MAP3K1: variants seen among roughly 807,000 people sequenced by gnomAD.
MAP3K1 encodes mitogen-activated protein kinase kinase kinase 1.
MAP3K1 carries 36 observed loss-of-function variants against 144.2 expected under a neutral mutation model. The ratio of observed to expected loss-of-function variants is 0.25; its 90% CI spans 0.19 to 0.33. MAP3K1 has a LOEUF of 0.33. MAP3K1 is among the 10% of genes least tolerant of loss of function. The probability of loss-of-function intolerance (pLI) is 1.00; values close to 1 mark genes in which losing one functional copy is unlikely to be tolerated. For synonymous variants in MAP3K1, 718 were observed against 688.7 expected (o/e 1.04, Z -0.67); for missense variants, 1,650 against 1,881.9 (o/e 0.88, Z 2.28).
Position 56,833,272 on chromosome 5 carries a change from G to A in MAP3K1, c.482+17217G>A, listed in dbSNP as rs181131751. 2.3e-3 allele frequency among the ~76,000 whole-genome samples: 356 copies of A among 152,262 alleles called. 2 individuals carry two copies. Among genetic ancestry groups the A allele is most frequent in the African/African-American group, 8.1e-3 (338 of 41,542 alleles). On this transcript the variant is annotated intron_variant, in intron 1 of 19. Transcript: ENST00000399503. ...TTTTACAAGGCCAGGGAAGAGACGCGGCTTCAGGGAAAAATATGGTTGAAC... is the reference window on the plus strand; with the variant it reads ...TTTTACAAGGCCAGGGAAGAGACGCAGCTTCAGGGAAAAATATGGTTGAAC...
At chr5:56,820,019 T>C (rs1746106098) in intron 1 of MAP3K1, among the ~76,000 whole-genome samples, 1 of 152,200 alleles carries the variant, frequency 6.6e-6, no homozygotes, top group South Asian at 2.1e-4. Flanking sequence ...AGATACTCTT[T>C]TCAGTTTGCA....
chr5:56,887,872 G>A (rs1168050019), intron 18 of MAP3K1: 2 of 433,264 alleles, frequency 4.6e-6, no homozygotes, highest in African/African-American at 4.0e-5. Flanking sequence ...GGCAGCTCCT[G>A]TCTGTAGTGG....
At chr5:56,844,194 T>TC (rs1282039404) in intron 1 of MAP3K1, among the ~76,000 whole-genome samples, 1 of 136,266 alleles carries the variant, frequency 7.3e-6, no homozygotes, top group Non-Finnish European at 1.6e-5. Flanking sequence ...TTTTTTTTTT[T>TC]TTTTTTTTTT....
At position 56,864,761 on chromosome 5, in the gene MAP3K1, C is replaced by T. The variant is rs1407848445; in HGVS notation, c.862C>T (p.Arg288Ter). 2 of 1,614,038 alleles carry T rather than the reference C, an allele frequency of 1.2e-6. No individual in the cohort carries two copies. The highest frequency in any genetic ancestry group is 1.7e-6 in the Non-Finnish European group (2 of 1,179,984). ...TCAGAGTGGCAGAATCACACCACCCCGAAGAGCCCCTTCACCAGATGGCTT... is the reference window on the plus strand; with the variant it reads ...TCAGAGTGGCAGAATCACACCACCCTGAAGAGCCCCTTCACCAGATGGCTT... ...PFQSGRITPP[R>*]RAPSPDGFSP... Residue 288 changes from arginine (R) to a stop codon, truncating the protein, a stop_gained, in exon 4 of 20, where the codon CGA becomes TGA. Coordinates refer to ENST00000399503, the MANE Select transcript of MAP3K1 (RefSeq NM_005921.2). LOFTEE classifies it high-confidence loss of function.
intron 11 of MAP3K1, among the ~76,000 whole-genome samples, chr5:56,879,969 G>A (rs1231909956): frequency 6.6e-6 from 1 of 152,020 alleles, no homozygotes; most frequent in Non-Finnish European, 1.5e-5. Context: ...CAAAAATTAG[G>A]TACCTACCTT....
intron 1 of MAP3K1, among the ~76,000 whole-genome samples, chr5:56,816,299 G>T (rs1745965454): frequency 1.3e-5 from 2 of 152,076 alleles, no homozygotes; most frequent in African/African-American, 4.8e-5. Flanking sequence ...CATGTGACAG[G>T]CGTGCGAGCC....
At chr5:56,849,695 G>A (rs571585011) in intron 1 of MAP3K1, among the ~76,000 whole-genome samples, 2 of 152,330 alleles carry the variant, frequency 1.3e-5, no homozygotes, top group South Asian at 4.1e-4. Flanking sequence ...AAGACAGTAT[G>A]TCTCTGGAGA....
rs1263146827 is a variant in MAP3K1, at chr5:56,888,446, A to C, written c.4389+89A>C. On this transcript the variant is annotated intron_variant, in intron 19 of 19. Transcript: ENST00000399503. ...CAAATTTTGATGGGTTCTCCCTAAC[A>C]ATCTAGCATGAAGGTAAATAAATAG... The C allele has an allele frequency of 1.2e-5, 13 of 1,097,486 alleles. No individual in the cohort carries two copies. In the East Asian group the frequency reaches 3.2e-4, roughly 27 times the overall value. The allele number at this position is 1,097,486 out of a possible 1,614,324, so 68.0% of individuals were successfully genotyped here.
intron 14 of MAP3K1, 126 bp downstream of exon 14, chr5:56,882,992 T>C: frequency 6.7e-6 from 5 of 742,078 alleles, no homozygotes; most frequent in Non-Finnish European, 1.1e-5. Context: ...AGTTCGAAAC[T>C]AGCCTGGTCA....
intron 10 of MAP3K1, among the ~76,000 whole-genome samples, chr5:56,876,006 T>C (rs1186135031): frequency 6.6e-6 from 1 of 152,172 alleles, no homozygotes; most frequent in African/African-American, 2.4e-5. Context: ...ACATAGATCA[T>C]TGAGTTGTTT....
chr5:56,825,203 G>A (rs1184019344), intron 1 of MAP3K1, among the ~76,000 whole-genome samples: 4 of 152,068 alleles, frequency 2.6e-5, no homozygotes, highest in African/African-American at 9.7e-5. Flanking sequence ...AGTAGAGACA[G>A]GGTTTCACCA....
At chr5:56,844,380 C>T (rs1406642295) in intron 1 of MAP3K1, among the ~76,000 whole-genome samples, 6 of 151,686 alleles carry the variant, frequency 4.0e-5, no homozygotes, top group East Asian at 1.9e-4. Flanking sequence ...GGGGTTTCAC[C>T]GTGTTAGCCA....
chr5:56,867,159 T>A (rs749844814), intron 6 of MAP3K1, among the ~76,000 whole-genome samples: 1 of 152,196 alleles, frequency 6.6e-6, no homozygotes, highest in Non-Finnish European at 1.5e-5. Flanking sequence ...GACATTTCTG[T>A]AACTTTTTAC....
At chr5:56,844,400 C>T (rs1027739173) in intron 1 of MAP3K1, among the ~76,000 whole-genome samples, 6 of 151,710 alleles carry the variant, frequency 4.0e-5, no homozygotes, top group Admixed American at 6.6e-5. Flanking sequence ...AGGATGGTCT[C>T]GATCTCCTGA....
intron 19 of MAP3K1, among the ~76,000 whole-genome samples, chr5:56,892,790 A>G (rs1185099057): frequency 6.6e-6 from 1 of 152,230 alleles, no homozygotes; most frequent in Non-Finnish European, 1.5e-5. Flanking sequence ...GCTCTGATTC[A>G]TAATGGGTGC....
At chr5:56,825,455 ATC>A (rs1746284222) in intron 1 of MAP3K1, among the ~76,000 whole-genome samples, 1 of 152,166 alleles carries the variant, frequency 6.6e-6, no homozygotes, top group Non-Finnish European at 1.5e-5. Context: ...TGCCTAAGAC[ATC>A]TTGGCTTTTG....
At chr5:56,816,183 C>T (rs572027670) in intron 1 of MAP3K1, 128 bp downstream of exon 1, 27 of 996,884 alleles carry the variant, frequency 2.7e-5, no homozygotes, top group Admixed American at 9.3e-5. Context: ...TCGCCGGGAC[C>T]TACGCCCCTG....
At chr5:56,831,371 C>G (rs552405496) in intron 1 of MAP3K1, among the ~76,000 whole-genome samples, 2 of 152,032 alleles carry the variant, frequency 1.3e-5, no homozygotes, top group African/African-American at 4.8e-5. Context: ...CAGAATCCAT[C>G]GCAAACCAGT....
chr5:56,869,420 A>T (rs1236185819), intron 6 of MAP3K1, among the ~76,000 whole-genome samples: 1 of 152,202 alleles, frequency 6.6e-6, no homozygotes, highest in Non-Finnish European at 1.5e-5. Flanking sequence ...GGCATTTAAT[A>T]CCACTCACGT....
Sources: allele counts gnomAD v4.1 joint callset (sites outside exome capture counted in the v4.1 genomes callset), GRCh38; gene constraint gnomAD v4.1.1; transcripts MANE v1.5; gene names NCBI Gene and HGNC (gene_info 2026-07-23, HGNC 2026-07-21).